Variants in PARD3B observed in about 807,000 individuals in gnomAD.
The protein encoded by PARD3B is par-3 family cell polarity regulator beta.
A neutral mutation model predicts 130.2 loss-of-function variants in PARD3B; 103 were observed. The ratio of observed to expected loss-of-function variants is 0.79; its 90% CI spans 0.67 to 0.93. PARD3B has a LOEUF of 0.93. Ranked by LOEUF, PARD3B falls within the 40% of genes least tolerant of loss-of-function variation. The pLI, the probability that PARD3B is intolerant of heterozygous loss-of-function variation, is 0.00. For synonymous variants in PARD3B, 583 were observed against 553.2 expected (o/e 1.05, Z -0.76); for missense variants, 1,609 against 1,499.2 (o/e 1.07, Z -1.21).
chr2:204,793,860 C>T (rs935645492), intron 2 of PARD3B, among the ~76,000 whole-genome samples: 3 of 152,120 alleles, frequency 2.0e-5, no homozygotes, highest in Admixed American at 2.0e-4. Flanking sequence ...TATCATTACA[C>T]ATGTCAAAAT....
In PARD3B at chr2:204,673,468, C is replaced by T. The variant is rs940265575; in HGVS notation, c.121-12713C>T. Among the ~76,000 whole-genome samples, 8 of 152,150 alleles carry T rather than the reference C, an allele frequency of 5.3e-5. No individual in the cohort carries two copies. The highest frequency in any genetic ancestry group is 1.4e-4 in the African/African-American group (6 of 41,422). On this transcript the variant is annotated intron_variant, in intron 1 of 22. Transcript: ENST00000406610. The surrounding 1 kb of genome is among the most constrained non-coding windows in gnomAD (Gnocchi z 4.7). The stretch of plus-strand genomic sequence containing the variant: ...CACCAAGTTTATTCAACCTGACAAG[C>T]GAACTAGTTTTCCCACTCTCATATA...
chr2:204,775,065 A>G (rs1414306950), intron 2 of PARD3B, among the ~76,000 whole-genome samples: 3 of 152,128 alleles, frequency 2.0e-5, no homozygotes, highest in Non-Finnish European at 4.4e-5. Flanking sequence ...GCTATTACCC[A>G]AATGTCTGGA....
intron 22 of PARD3B, among the ~76,000 whole-genome samples, chr2:205,614,407 A>G (rs1179183740): frequency 1.3e-5 from 2 of 152,130 alleles, no homozygotes; most frequent in Non-Finnish European, 2.9e-5. Flanking sequence ...ACTTTATATC[A>G]AAGCTTTAGG....
At position 204,635,456 on chromosome 2, in the gene PARD3B, G is replaced by C. The variant is rs539561355; in HGVS notation, c.121-50725G>C. Among the ~76,000 whole-genome samples the C allele has an allele frequency of 1.1e-4, 17 of 152,236 alleles. No homozygotes were observed. In the East Asian group the frequency reaches 2.9e-3, roughly 26 times the overall value. ...AATTTAGGATTATTTGGTTTTACTTGATTTTCTATTTGCAGACTCTTCTCT... is the reference window on the plus strand; with the variant it reads ...AATTTAGGATTATTTGGTTTTACTTCATTTTCTATTTGCAGACTCTTCTCT... On this transcript the variant is annotated intron_variant, in intron 1 of 22. Coordinates refer to ENST00000406610, the MANE Select transcript of PARD3B (RefSeq NM_001302769.2).
At chr2:204,997,328 T>C (rs1279543220) in intron 3 of PARD3B, among the ~76,000 whole-genome samples, 1 of 152,212 alleles carries the variant, frequency 6.6e-6, no homozygotes, top group Non-Finnish European at 1.5e-5. Flanking sequence ...TGTAGATTAG[T>C]TTGGAGAGAA....
At chr2:204,603,212 C>G (rs1374186357) in intron 1 of PARD3B, among the ~76,000 whole-genome samples, 1 of 152,024 alleles carries the variant, frequency 6.6e-6, no homozygotes, top group Admixed American at 6.6e-5. Context: ...TTCTTTTATG[C>G]CTTTTTTACT....
rs1243533804 is a variant in PARD3B at position 205,421,285 on chromosome 2, A to C, written c.2742-19085A>C. Reference sequence around the variant, plus strand: ...TCTAGGTGGCCATTTCTTGCACTACAGATGTCAGCTGCCGGGACCAGTTTG... The same window carrying C: ...TCTAGGTGGCCATTTCTTGCACTACCGATGTCAGCTGCCGGGACCAGTTTG... On this transcript the variant is annotated intron_variant, in intron 19 of 22. Transcript: ENST00000406610. The surrounding 1 kb of genome is among the most constrained non-coding windows in gnomAD (Gnocchi z 5.1). 6.6e-6 allele frequency among the ~76,000 whole-genome samples: 1 copy of C among 152,190 alleles called. No homozygotes were observed. The highest frequency in any genetic ancestry group is 1.5e-5 in the Non-Finnish European group (1 of 68,026).
In PARD3B at chr2:205,124,458, A is replaced by G; in HGVS notation, c.1297A>G (p.Ile433Val). ...TGGCCGCCTACAATCAGGGGACAGAATTTTGGAGGTAAGAATTGGAATTAA... is the reference window on the plus strand; with the variant it reads ...TGGCCGCCTACAATCAGGGGACAGAGTTTTGGAGGTAAGAATTGGAATTAA... Reference protein sequence around the residue: ...KDGRLQSGDRILEVNGRDVTG... With the variant: ...KDGRLQSGDRVLEVNGRDVTG... Residue 433 changes from isoleucine (I) to valine (V), a missense_variant, in exon 9 of 23, where the codon ATT becomes GTT. Transcript: ENST00000406610. 1 of 1,589,674 alleles carries G rather than the reference A, an allele frequency of 6.3e-7. No individual in the cohort carries two copies. The highest frequency in any genetic ancestry group is 8.6e-7 in the Non-Finnish European group (1 of 1,168,326).
chr2:205,552,794 G>T (rs1445764662), intron 21 of PARD3B, among the ~76,000 whole-genome samples: 1 of 152,034 alleles, frequency 6.6e-6, no homozygotes, highest in Non-Finnish European at 1.5e-5. Flanking sequence ...TAACATACTG[G>T]ATGGGATCCA....
At chr2:204,657,905 G>C (rs2035689476) in intron 1 of PARD3B, among the ~76,000 whole-genome samples, 1 of 152,068 alleles carries the variant, frequency 6.6e-6, no homozygotes, top group Non-Finnish European at 1.5e-5. Flanking sequence ...AACTTTTTTA[G>C]TAATATGTAT....
In PARD3B at chr2:205,564,532, C is replaced by G. The variant is rs1292251582; in HGVS notation, c.3260+11129C>G. On this transcript the variant is annotated intron_variant, in intron 22 of 22. Transcript: ENST00000406610. This position sits in a 1 kb window ranked among gnomAD's most constrained non-coding sequence, Gnocchi z 4.6. The stretch of plus-strand genomic sequence containing the variant: ...GTTCCACTTCAGCAATTTTTGTAGC[C>G]AGGAAACTATTGTTGGTTCTTTCAC... Among the ~76,000 whole-genome samples the G allele has an allele frequency of 6.6e-6, 1 of 152,154 alleles. No individual in the cohort carries two copies. The highest frequency in any genetic ancestry group is 1.5e-5 in the Non-Finnish European group (1 of 68,038).
At chr2:205,307,840 A>G (rs2042239325) in intron 18 of PARD3B, among the ~76,000 whole-genome samples, 2 of 152,178 alleles carry the variant, frequency 1.3e-5, no homozygotes, top group African/African-American at 2.4e-5. Flanking sequence ...TTGATATTAT[A>G]GGCCACTCAC....
chr2:205,297,890 A>G (rs1176265127), intron 16 of PARD3B, among the ~76,000 whole-genome samples: 6 of 152,182 alleles, frequency 3.9e-5, no homozygotes, highest in African/African-American at 1.2e-4. Context: ...ACTTCTATTT[A>G]TATAGAGTGA....
intron 18 of PARD3B, among the ~76,000 whole-genome samples, chr2:205,331,297 A>G (rs1037669584): frequency 6.4e-5 from 9 of 140,086 alleles, no homozygotes; most frequent in African/African-American, 2.1e-4. Flanking sequence ...ACACGTACAC[A>G]TACACACACA....
At chr2:205,586,920 A>T (rs1431621288) in intron 22 of PARD3B, among the ~76,000 whole-genome samples, 1 of 152,182 alleles carries the variant, frequency 6.6e-6, no homozygotes, top group Non-Finnish European at 1.5e-5. Flanking sequence ...GGTGGGTGTT[A>T]TAAGGCTTTG....
intron 3 of PARD3B, among the ~76,000 whole-genome samples, chr2:204,982,277 A>G (rs773805998): frequency 6.6e-6 from 1 of 152,160 alleles, no homozygotes; most frequent in Admixed American, 6.5e-5. Flanking sequence ...CATTTGCACA[A>G]TTTAGTGCTT....
intron 1 of PARD3B, among the ~76,000 whole-genome samples, chr2:204,680,059 AT>A (rs1175012029): frequency 1.3e-5 from 2 of 152,032 alleles, no homozygotes; most frequent in African/African-American, 2.4e-5. Context: ...TTGGTATCAA[AT>A]TTATGCTATC....
intron 2 of PARD3B, among the ~76,000 whole-genome samples, chr2:204,706,362 G>A (rs2038155739): frequency 7.0e-6 from 1 of 143,860 alleles, no homozygotes; most frequent in South Asian, 2.2e-4. Context: ...GTGAGACTCT[G>A]TCTCAAAAAA....
intron 2 of PARD3B, among the ~76,000 whole-genome samples, chr2:204,695,794 GGGA>G: frequency 6.6e-6 from 1 of 152,164 alleles, no homozygotes; most frequent in South Asian, 2.1e-4. Flanking sequence ...AGGTTTGGAA[GGGA>G]GGAGGATGGT....
Sources: allele counts gnomAD v4.1 joint callset (sites outside exome capture counted in the v4.1 genomes callset), GRCh38; gene constraint gnomAD v4.1.1; non-coding constraint Gnocchi (gnomAD v3.1); transcripts MANE v1.5; gene names NCBI Gene and HGNC (gene_info 2026-07-23, HGNC 2026-07-21).